TXNL4A: variants seen among roughly 807,000 people sequenced by gnomAD.
TXNL4A encodes the protein thioredoxin like 4A.
A neutral mutation model predicts 14.6 loss-of-function variants in TXNL4A; 17 were observed. The observed-to-expected ratio is 1.16, with a 90% confidence interval of 0.80 to 1.74. The LOEUF (loss-of-function observed/expected upper bound fraction) is 1.74, where lower values mean the gene tolerates loss of function less well. TXNL4A is among the 40% of genes most tolerant of loss of function. The probability of loss-of-function intolerance (pLI) is 0.00; values close to 1 mark genes in which losing one functional copy is unlikely to be tolerated. For synonymous variants in TXNL4A, 83 were observed against 70.6 expected (o/e 1.18, Z -0.88); for missense variants, 74 against 195.2 (o/e 0.38, Z 3.70).
At position 79,988,563 on chromosome 18, in the gene TXNL4A, T is replaced by C. The variant is rs1277531607; in HGVS notation, c.-171A>G. 9.2e-6 allele frequency: 6 copies of C among 653,300 alleles called. No homozygotes were observed. The Admixed American group carries it at 2.3e-4, about 25-fold the overall frequency. 40.5% of individuals were successfully genotyped at this position (653,300 alleles called of 1,614,324 possible). On this transcript the variant is annotated 5_prime_UTR_variant, in exon 1 of 3. Coordinates refer to ENST00000269601, the MANE Select transcript of TXNL4A (RefSeq NM_006701.5). ...TGGGACTGCCACCCGGCAGAACGTC[T>C]GGGCGCGCACGCACCGACGCCGTGC...
intron 1 of TXNL4A, among the ~76,000 whole-genome samples, chr18:80,033,312 CAG>C (rs2051937990): frequency 1.4e-5 from 2 of 147,150 alleles, no homozygotes; most frequent in Non-Finnish European, 3.0e-5. Flanking sequence ...CACACACACA[CAG>C]ACGTGTCTCA....
chr18:80,033,816 C>CACCTA (rs2051944331), intron 1 of TXNL4A: 1 of 149,710 alleles, frequency 6.7e-6, no homozygotes, highest in Non-Finnish European at 1.5e-5. Flanking sequence ...TCGCCCCGCC[C>CACCTA]CCGTTGCCGC....
rs199988405 is a variant in TXNL4A at position 79,973,655 on chromosome 18, C to T, written c.*30G>A. The T allele has an allele frequency of 3.2e-6, 5 of 1,579,454 alleles. No individual in the cohort carries two copies. The highest frequency in any genetic ancestry group is 4.5e-5 in the East Asian group (2 of 44,404). Reference sequence around the variant, plus strand: ...ACGTTTCCATACAAAAAGGGCTCCACGACATTTATCCGCGCAGACTGAGGG... The same window carrying T: ...ACGTTTCCATACAAAAAGGGCTCCATGACATTTATCCGCGCAGACTGAGGG... On this transcript the variant is annotated 3_prime_UTR_variant, in exon 3 of 3. Transcript: ENST00000269601.
At chr18:80,005,073 T>C (rs986261657) in intron 1 of TXNL4A, among the ~76,000 whole-genome samples, 3 of 152,216 alleles carry the variant, frequency 2.0e-5, no homozygotes, top group Non-Finnish European at 2.9e-5. Context: ...AAACGTGACC[T>C]AGAGACACAG....
chr18:80,019,058 T>C lies in TXNL4A; in HGVS notation c.-61+14793A>G, dbSNP rs118155682. ...GGAAGTTCCAAACTTTCCTACACTT[T>C]CCTGTCTTCTCTTGAGCCCTTCAAA... On this transcript the variant is annotated intron_variant, in intron 1 of 2. Coordinates refer to the TXNL4A transcript ENST00000585474. Among the ~76,000 whole-genome samples the C allele has an allele frequency of 8.3e-3, 1,269 of 152,312 alleles. 8 individuals are homozygous for C. Among genetic ancestry groups the C allele is most frequent in the Non-Finnish European group, 0.016 (1,058 of 68,018 alleles).
In TXNL4A at chr18:80,003,762, T is replaced by A. The variant is rs1179340969; in HGVS notation, c.-60-26061A>T. 5.3e-5 allele frequency among the ~76,000 whole-genome samples: 8 copies of A among 152,176 alleles called. No individual in the cohort carries two copies. The South Asian group carries it at 8.3e-4, about 16-fold the overall frequency. On this transcript the variant is annotated intron_variant, in intron 1 of 2. Coordinates refer to the TXNL4A transcript ENST00000585474. ...GAAAGGGGTTTAAGTGACTCACGGT[T>A]CCACATTGCTGGGGAGGCCTCAGGA...
chr18:79,984,678 C>T (rs895904597), intron 1 of TXNL4A, among the ~76,000 whole-genome samples: 9 of 152,136 alleles, frequency 5.9e-5, no homozygotes, highest in South Asian at 2.1e-4. Context: ...TGCAACGGCA[C>T]GATGATAGCT....
Position 79,973,853 on chromosome 18 carries a change from G to C in TXNL4A, c.261C>G (p.Asn87Lys). The C allele has an allele frequency of 6.2e-7, 1 of 1,613,060 alleles. No individual in the cohort carries two copies. The highest frequency in any genetic ancestry group is 1.1e-5 in the South Asian group (1 of 90,806). Residue 87 changes from asparagine (N) to lysine (K), a missense_variant, in exon 3 of 3, where the codon AAC (asparagine) becomes AAG (lysine). Asn to Lys is a moderately conservative substitution (Grantham distance 94). This residue lies in a region of TXNL4A where 55 missense variants were observed against 116.1 expected (regional missense o/e 0.47). Transcript: ENST00000269601. The part of the protein sequence containing the change: ...DPCTVMFFFR[N>K]KHIMIDLGTG... ...TCCCCAAGTCAATCATGATGTGCTTGTTCCTGCAACGAGAAACAAGGGCAT... is the reference window on the plus strand; with the variant it reads ...TCCCCAAGTCAATCATGATGTGCTTCTTCCTGCAACGAGAAACAAGGGCAT...
intron 1 of TXNL4A, among the ~76,000 whole-genome samples, chr18:80,030,175 G>C (rs753063510): frequency 6.6e-6 from 1 of 152,160 alleles, no homozygotes; most frequent in Non-Finnish European, 1.5e-5. Context: ...TTCAACCCAG[G>C]ATTAGAAGCA....
chr18:79,974,437 CAT>C (rs2051348490), intron 2 of TXNL4A, among the ~76,000 whole-genome samples: 1 of 152,206 alleles, frequency 6.6e-6, no homozygotes, highest in Non-Finnish European at 1.5e-5. Context: ...CATGAATACT[CAT>C]GTGCACTTTA....
chr18:80,029,146 A>G (rs1311027024), intron 1 of TXNL4A, among the ~76,000 whole-genome samples: 1 of 152,186 alleles, frequency 6.6e-6, no homozygotes, highest in African/African-American at 2.4e-5. Flanking sequence ...GGACCTAATA[A>G]CCATTATTCC....
At chr18:79,988,875 A>G (rs929470805), upstream of TXNL4A, among the ~76,000 whole-genome samples, 1 of 152,206 alleles carries the variant, frequency 6.6e-6, no homozygotes, top group Non-Finnish European at 1.5e-5. Context: ...GGACGTCCAG[A>G]AAGGCCCGGA....
rs116907841 is a variant in TXNL4A, at chr18:80,020,335, C to G, written c.-61+13516G>C. On this transcript the variant is annotated intron_variant, in intron 1 of 2. Transcript: ENST00000585474. Reference sequence around the variant, plus strand: ...ACTGAACTGCAGGTTTTTCCAGCAGCAAAGCTTGATATTTGAGGAGGTGAT... The same window carrying G: ...ACTGAACTGCAGGTTTTTCCAGCAGGAAAGCTTGATATTTGAGGAGGTGAT... 6.8e-4 allele frequency among the ~76,000 whole-genome samples: 104 copies of G among 152,296 alleles called. 2 individuals are homozygous for G. The East Asian group carries it at 0.019, about 27-fold the overall frequency.
intron 1 of TXNL4A, among the ~76,000 whole-genome samples, chr18:80,018,460 G>A (rs1486541839): frequency 6.6e-6 from 1 of 152,126 alleles, no homozygotes; most frequent in African/African-American, 2.4e-5. Flanking sequence ...TCAAAAGCTA[G>A]CAGAAGGCAA....
intron 1 of TXNL4A, among the ~76,000 whole-genome samples, chr18:80,015,072 G>A (rs1391611300): frequency 6.6e-6 from 1 of 152,198 alleles, no homozygotes; most frequent in Non-Finnish European, 1.5e-5. Flanking sequence ...CACAGCAAGG[G>A]GACCCTGGGC....
upstream of TXNL4A, among the ~76,000 whole-genome samples, chr18:79,991,546 T>C (rs2051628444): frequency 6.6e-6 from 1 of 152,254 alleles, no homozygotes; most frequent in African/African-American, 2.4e-5. Flanking sequence ...TATCCATCAG[T>C]TGATTGACAT....
At chr18:79,999,776 G>T (rs2051687302) in intron 1 of TXNL4A, among the ~76,000 whole-genome samples, 1 of 152,116 alleles carries the variant, frequency 6.6e-6, no homozygotes, top group South Asian at 2.1e-4. Context: ...TTACATTGTA[G>T]CTCCCACAAT....
At chr18:79,998,060 G>C (rs567220475) in intron 1 of TXNL4A, among the ~76,000 whole-genome samples, 1 of 152,294 alleles carries the variant, frequency 6.6e-6, no homozygotes, top group East Asian at 1.9e-4. Flanking sequence ...TTGGGAGGCT[G>C]AGGCGGGTGG....
At chr18:79,973,944 G>A in intron 2 of TXNL4A, 88 bp from the exon 3 acceptor site, 1 of 1,544,496 alleles carries the variant, frequency 6.5e-7, no homozygotes, top group Non-Finnish European at 8.7e-7. Context: ...TTCCCACTGT[G>A]ACAAGCTCTT....
Sources: gnomAD v4.1 joint callset for allele counts (sites outside exome capture counted in the v4.1 genomes callset) on GRCh38, gnomAD v4.1.1 for gene constraint, gnomAD v4.1.1 regional missense constraint, MANE v1.5 for transcripts, NCBI Gene and HGNC (gene_info 2026-07-23, HGNC 2026-07-21) for gene names.